Variants in NCAM2 observed in about 807,000 individuals in gnomAD.
NCAM2 encodes neural cell adhesion molecule 2.
NCAM2 carries 30 observed loss-of-function variants against 98.1 expected under a neutral mutation model. The ratio of observed to expected loss-of-function variants is 0.31; its 90% confidence interval spans 0.23 to 0.41. NCAM2 has a LOEUF of 0.41. NCAM2 is among the 10% of genes least tolerant of loss of function. NCAM2 has a pLI of 1.00. For missense variants in NCAM2, 867 were observed against 1,005.8 expected (o/e 0.86, Z 1.87); for synonymous variants, 368 against 342.4 (o/e 1.07, Z -0.83).
intron 1 of NCAM2, among the ~76,000 whole-genome samples, chr21:21,027,193 T>C (rs2064568739): frequency 1.3e-5 from 2 of 152,200 alleles, no homozygotes; most frequent in Admixed American, 6.5e-5. Flanking sequence ...ATTTTTTAAT[T>C]GACTACATGC....
At chr21:21,367,278 T>C (rs2075811143) in intron 8 of NCAM2, among the ~76,000 whole-genome samples, 1 of 151,972 alleles carries the variant, frequency 6.6e-6, no homozygotes. Context: ...AAAGTTTTGT[T>C]ACATCGATAT....
intron 1 of NCAM2, among the ~76,000 whole-genome samples, chr21:21,087,712 G>A (rs1390014861): frequency 2.0e-5 from 3 of 152,166 alleles, no homozygotes; most frequent in African/African-American, 7.2e-5. Flanking sequence ...AGAGGAAATG[G>A]TGGCTTATTG....
chr21:21,450,793 T>TACACAC lies in NCAM2; in HGVS notation c.1655-15777_1655-15772dup, dbSNP rs71195329. ...CATCATGTATGTATGTATGTATGTA[T>TACACAC]ACACACACACACACACACACACACA... is the stretch of plus-strand genomic sequence containing the variant. On this transcript the variant is annotated intron_variant, in intron 12 of 17. Transcript: ENST00000400546. Among the ~76,000 whole-genome samples, 273 of 143,516 alleles carry TACACAC rather than the reference T, an allele frequency of 1.9e-3. 1 individual carries two copies. Among genetic ancestry groups the TACACAC allele is most frequent in the South Asian group, 5.9e-3 (25 of 4,240 alleles). The allele number at this position is 143,516 out of a possible 152,430, so 94.2% of individuals were successfully genotyped here.
chr21:21,003,104 G>T (rs1333279505), intron 1 of NCAM2, among the ~76,000 whole-genome samples: 1 of 151,970 alleles, frequency 6.6e-6, no homozygotes, highest in South Asian at 2.1e-4. Context: ...TATAATAAGA[G>T]TACTAATCAC....
intron 15 of NCAM2, among the ~76,000 whole-genome samples, chr21:21,493,416 A>C (rs986180840): frequency 6.6e-6 from 1 of 151,906 alleles, no homozygotes; most frequent in East Asian, 1.9e-4. Flanking sequence ...TTTTAGATTT[A>C]CACCAAGATT....
At chr21:21,535,292 A>T (rs958113859) in intron 17 of NCAM2, among the ~76,000 whole-genome samples, 2 of 152,138 alleles carry the variant, frequency 1.3e-5, no homozygotes, top group Non-Finnish European at 2.9e-5. Flanking sequence ...CAAAGGCATT[A>T]TTACAAAGTA....
At chr21:21,086,212 T>C (rs1026599380) in intron 1 of NCAM2, among the ~76,000 whole-genome samples, 4 of 152,204 alleles carry the variant, frequency 2.6e-5, no homozygotes, top group African/African-American at 9.6e-5. Flanking sequence ...TGTCACCTAA[T>C]ATCACTGATG....
intron 5 of NCAM2, among the ~76,000 whole-genome samples, chr21:21,321,533 C>T (rs2074374761): frequency 6.6e-6 from 1 of 151,978 alleles, no homozygotes; most frequent in Admixed American, 6.6e-5. Flanking sequence ...TTTATATATA[C>T]TTTTTTATAG....
At chr21:21,519,472 A>G (rs916299668) in intron 16 of NCAM2, among the ~76,000 whole-genome samples, 2 of 152,172 alleles carry the variant, frequency 1.3e-5, no homozygotes, top group South Asian at 2.1e-4. Context: ...TGGATTAGGG[A>G]AAGAGAGAAA....
chr21:21,015,498 A>C (rs1419129083), intron 1 of NCAM2, among the ~76,000 whole-genome samples: 2 of 152,178 alleles, frequency 1.3e-5, no homozygotes, highest in African/African-American at 2.4e-5. Context: ...TTAGCAATAA[A>C]ACATTTTTAA....
chr21:21,066,882 A>T (rs1181275309), intron 1 of NCAM2, among the ~76,000 whole-genome samples: 1 of 152,046 alleles, frequency 6.6e-6, no homozygotes, highest in Non-Finnish European at 1.5e-5. Flanking sequence ...ATAGGAAGTG[A>T]TCATTTGATC....
chr21:21,273,027 A>G (rs2072586940), intron 1 of NCAM2, among the ~76,000 whole-genome samples: 1 of 151,112 alleles, frequency 6.6e-6, no homozygotes, highest in Non-Finnish European at 1.5e-5. Flanking sequence ...ATTAAAATAT[A>G]GAAAAGGGAA....
intron 8 of NCAM2, among the ~76,000 whole-genome samples, chr21:21,348,550 T>G (rs532048779): frequency 6.6e-6 from 1 of 152,188 alleles, no homozygotes; most frequent in African/African-American, 2.4e-5. Flanking sequence ...TTCAGTGCAA[T>G]CCCTATCAAA....
intron 1 of NCAM2, among the ~76,000 whole-genome samples, chr21:21,211,688 G>A (rs2069665325): frequency 6.6e-6 from 1 of 152,186 alleles, no homozygotes; most frequent in Non-Finnish European, 1.5e-5. Flanking sequence ...CAACATTGAA[G>A]TGCTGTTAGT....
intron 17 of NCAM2, among the ~76,000 whole-genome samples, chr21:21,537,340 CCCAG>C (rs1444201458): frequency 2.0e-5 from 3 of 152,056 alleles, no homozygotes; most frequent in East Asian, 3.9e-4. Context: ...AGCCACCACG[CCCAG>C]CCTGGTTTCT....
intron 1 of NCAM2, among the ~76,000 whole-genome samples, chr21:21,074,167 A>T (rs1032309468): frequency 6.6e-6 from 1 of 152,124 alleles, no homozygotes; most frequent in Non-Finnish European, 1.5e-5. Flanking sequence ...ATTTCCAAGT[A>T]TGCTATATTT....
chr21:21,039,897 A>T (rs2064869497), intron 1 of NCAM2, among the ~76,000 whole-genome samples: 1 of 152,186 alleles, frequency 6.6e-6, no homozygotes, highest in Non-Finnish European at 1.5e-5. Context: ...AACTAGAGTT[A>T]TTATATTTCA....
chr21:21,140,905 G>A (rs546172494), intron 1 of NCAM2, among the ~76,000 whole-genome samples: 10 of 152,254 alleles, frequency 6.6e-5, no homozygotes, highest in African/African-American at 2.2e-4. Flanking sequence ...AAGGCTTACA[G>A]TGTGCAGAAA....
chr21:21,180,828 A>G (rs1461220423), intron 1 of NCAM2, among the ~76,000 whole-genome samples: 2 of 152,204 alleles, frequency 1.3e-5, no homozygotes, highest in East Asian at 1.9e-4. Context: ...AAAACACTGT[A>G]TTAGTGTCTC....
Sources: gnomAD v4.1 joint callset for allele counts (sites outside exome capture counted in the v4.1 genomes callset) on GRCh38, gnomAD v4.1.1 for gene constraint, MANE v1.5 for transcripts, NCBI Gene and HGNC (gene_info 2026-07-23, HGNC 2026-07-21) for gene names.